L3MBTL1: variants seen among roughly 807,000 people sequenced by gnomAD.
L3MBTL1 encodes lethal(3)malignant brain tumor-like protein 1.
A neutral mutation model predicts 105.3 loss-of-function variants in L3MBTL1; 75 were observed. That is an observed-to-expected ratio of 0.71 (90% CI 0.59 to 0.86). L3MBTL1 has a LOEUF of 0.86. L3MBTL1 is among the 40% of genes least tolerant of loss of function. The pLI, the probability that L3MBTL1 is intolerant of heterozygous loss-of-function variation, is 0.00. For missense variants in L3MBTL1, 1,069 were observed against 1,126.4 expected (o/e 0.95, Z 0.73); for synonymous variants, 452 against 436.2 (o/e 1.04, Z -0.45).
intron 8 of L3MBTL1, 59 bp from the exon 9 acceptor site, chr20:43,529,205 C>T: frequency 7.4e-7 from 1 of 1,347,890 alleles, no homozygotes; most frequent in South Asian, 1.2e-5. Context: ...ACCCCAAGCC[C>T]ACTAGGCAAG....
chr20:43,509,833 G>T (rs2018084155), intron 1 of L3MBTL1, among the ~76,000 whole-genome samples: 1 of 152,134 alleles, frequency 6.6e-6, no homozygotes, highest in Non-Finnish European at 1.5e-5. Flanking sequence ...ACTCTTAACT[G>T]CCAGTGTTTC....
intron 14 of L3MBTL1, 86 bp downstream of exon 14, chr20:43,534,179 T>A (rs2019484315): frequency 1.3e-6 from 2 of 1,515,512 alleles, no homozygotes. Context: ...AGCCTTCCCC[T>A]TTGGGCAGGC....
chr20:43,534,614 C>G lies in L3MBTL1; in HGVS notation c.1711-214C>G, dbSNP rs1330823705. ...GTAAAATGGGCCTAATAATCCTCGT[C>G]CCACCTAAGGATTGCCAGTGGGAGA... On this transcript the variant is annotated intron_variant, in intron 15 of 21. Transcript: ENST00000418998. 5 of 609,066 alleles carry G rather than the reference C, an allele frequency of 8.2e-6. No homozygotes were observed. The African/African-American group carries it at 9.3e-5, about 11-fold the overall frequency. 37.7% of individuals were successfully genotyped at this position (609,066 alleles called of 1,614,324 possible). A position where few individuals can be genotyped will look rare whatever the true frequency, so the allele number is the denominator to read the frequency against.
chr20:43,546,638 C>T (rs1405584801), downstream of L3MBTL1, among the ~76,000 whole-genome samples: 50 of 152,102 alleles, frequency 3.3e-4, no homozygotes, highest in Admixed American at 3.3e-3. Context: ...CCAGCTCAGT[C>T]TCTTGACCCC....
At chr20:43,533,199 G>C in intron 12 of L3MBTL1, 143 bp from the exon 13 acceptor site, 1 of 732,814 alleles carries the variant, frequency 1.4e-6, no homozygotes. Context: ...AATTCATGTT[G>C]CAATTTTCTA....
rs780215452 is a variant in L3MBTL1, at chr20:43,534,943, G to T, written c.1825+1G>T. On this transcript the variant is annotated splice_donor_variant, in intron 16 of 21. Coordinates refer to ENST00000418998, the MANE Select transcript of L3MBTL1 (RefSeq NM_001377303.1). LOFTEE classifies it high-confidence loss of function. Reference sequence around the variant, plus strand: ...GGACATCCCCTGCAGCCTCCTCTCGGTGTGTACCCCTAGGGCACTCTGATC... The same window carrying T: ...GGACATCCCCTGCAGCCTCCTCTCGTTGTGTACCCCTAGGGCACTCTGATC... 1.3e-6 allele frequency: 2 copies of T among 1,587,776 alleles called. No individual in the cohort carries two copies. The highest frequency in any genetic ancestry group is 2.2e-5 in the South Asian group (2 of 90,000).
In L3MBTL1 at chr20:43,512,202, C is replaced by T. The variant is rs73618895; in HGVS notation, c.-28-1274C>T. On this transcript the variant is annotated intron_variant, in intron 1 of 21. Transcript: ENST00000418998. The stretch of plus-strand genomic sequence containing the variant: ...GGAAGCAGGGAGATGGGTTAGAAGG[C>T]AATTTCAGAAGTCCAAAGAGAGCTG... Among the ~76,000 whole-genome samples, 1,316 of 152,202 alleles carry T rather than the reference C, an allele frequency of 8.6e-3. 44 individuals carry two copies. The highest frequency in any genetic ancestry group is 0.077 in the East Asian group (398 of 5,192).
chr20:43,540,641 G>A, intron 20 of L3MBTL1, 112 bp from the exon 21 acceptor site: 3 of 1,036,990 alleles, frequency 2.9e-6, no homozygotes, highest in South Asian at 3.0e-5. Flanking sequence ...TTTTAGGCTG[G>A]TGAGAAAAAG....
intron 18 of L3MBTL1, 37 bp from the exon 19 acceptor site, chr20:43,536,371 CT>C (rs1282393551): frequency 6.2e-7 from 1 of 1,613,602 alleles, no homozygotes; most frequent in African/African-American, 1.3e-5. Context: ...GGGCCAGACA[CT>C]GATTCCCTGC....
In L3MBTL1 at chr20:43,516,151, G is replaced by T. The variant is rs1199864168; in HGVS notation, c.836G>T (p.Ser279Ile). 3.1e-6 allele frequency: 5 copies of T among 1,613,982 alleles called. No homozygotes were observed. The highest frequency in any genetic ancestry group is 1.6e-4 in the Middle Eastern group (1 of 6,084). The change falls in exon 7 of 22, where the codon AGT (serine) becomes ATT (isoleucine). Residue 279 changes from serine (S) to isoleucine (I), a missense_variant. By Grantham distance (142) the Ser-to-Ile change is moderately radical (BLOSUM62 -2). Coordinates refer to ENST00000418998, the MANE Select transcript of L3MBTL1 (RefSeq NM_001377303.1). ...EGQPTASTPE[S>I]EEWSSSQPAT... ...CAACCCACTGCTAGCACCCCAGAGA[G>T]TGAGGAGTGGAGCAGCAGCCAGCCT...
Position 43,514,741 on chromosome 20 carries a change from C to A in L3MBTL1, c.467C>A (p.Pro156Gln), listed in dbSNP as rs776423481. ...ACCGAATACGAAGATGGCGGGGCCC[C>A]GGCGGGAGATGGCGAGGCGGGCCCC... is the stretch of plus-strand genomic sequence containing the variant. ...GVTEYEDGGA[P>Q]AGDGEAGPQQ... Residue 156 changes from proline to glutamine, a missense_variant, in exon 4 of 22, where the codon CCG becomes CAG. By Grantham distance (76) the Pro-to-Gln change is moderately conservative. Coordinates refer to ENST00000418998, the MANE Select transcript of L3MBTL1 (RefSeq NM_001377303.1). 6.4e-7 allele frequency: 1 copy of A among 1,568,346 alleles called. No homozygotes were observed. Among genetic ancestry groups the A allele is most frequent in the South Asian group, 1.2e-5 (1 of 85,826 alleles).
At chr20:43,518,486 A>G (rs1477857265) in intron 7 of L3MBTL1, among the ~76,000 whole-genome samples, 2 of 152,102 alleles carry the variant, frequency 1.3e-5, no homozygotes, top group East Asian at 1.9e-4. Context: ...CTCCTTTTCG[A>G]TAACCATATT....
chr20:43,536,081 G>A lies in L3MBTL1; in HGVS notation c.1926-16G>A. 3 of 1,612,406 alleles carry A rather than the reference G, an allele frequency of 1.9e-6. No individual in the cohort carries two copies. Among genetic ancestry groups the A allele is most frequent in the Non-Finnish European group, 2.5e-6 (3 of 1,179,906 alleles). On this transcript the variant is annotated splice_polypyrimidine_tract_variant and intron_variant, in intron 17 of 21. Transcript: ENST00000418998. ...GACCAGTGGATTAAACCCAACTGAAGTCTCTTCTTCCCCAGGAAGTGCCCC... is the reference window on the plus strand; with the variant it reads ...GACCAGTGGATTAAACCCAACTGAAATCTCTTCTTCCCCAGGAAGTGCCCC...
rs755351115 is a variant in L3MBTL1, at chr20:43,529,254, G to A, written c.952-10G>A. 1 of 1,598,734 alleles carries A rather than the reference G, an allele frequency of 6.3e-7. No individual in the cohort carries two copies. The highest frequency in any genetic ancestry group is 1.7e-5 in the Admixed American group (1 of 59,108). ...GGAAGCTGGGTCCTCTCCACTCTGT[G>A]CGTTGACAGTCCCAGGCAGTCACTC... On this transcript the variant is annotated splice_polypyrimidine_tract_variant and intron_variant, in intron 8 of 21. Transcript: ENST00000418998.
intron 20 of L3MBTL1, 119 bp from the exon 21 acceptor site, chr20:43,540,634 T>C: frequency 1.0e-6 from 1 of 988,848 alleles, no homozygotes; most frequent in South Asian, 1.5e-5. Flanking sequence ...AGGATCCTTT[T>C]AGGCTGGTGA....
In L3MBTL1 at chr20:43,541,048, A is replaced by G; in HGVS notation, c.2509A>G (p.Thr837Ala). 2 of 1,614,148 alleles carry G rather than the reference A, an allele frequency of 1.2e-6. No homozygotes were observed. Among genetic ancestry groups the G allele is most frequent in the Non-Finnish European group, 1.7e-6 (2 of 1,180,014 alleles). The part of the protein sequence containing the change: ...HLQEGKGILE[T>A]GVHSLLCSLP... ...TCAGGAAGGAAAAGGCATCCTGGAG[A>G]CAGGAGTCCATTCACTCCTCTGCTC... Residue 837 changes from threonine (T) to alanine (A), a missense_variant, in exon 22 of 22, where the codon ACA becomes GCA. Transcript: ENST00000418998.
Position 43,513,620 on chromosome 20 carries a change from A to T in L3MBTL1, c.117A>T (p.Ala39=). ...CCGGTTCTGGTCCTCACCTGCCCGC[A>T]ACTGCCTTCATCATTCCAGGTGAGT... is the stretch of plus-strand genomic sequence containing the variant. The part of the protein sequence containing the change: ...DSPGSGPHLP[A]TAFIIPASSA... The change falls in exon 2 of 22, where the codon GCA becomes GCT. Residue 39 remains alanine, a synonymous_variant. Coordinates refer to ENST00000418998, the MANE Select transcript of L3MBTL1 (RefSeq NM_001377303.1). 1 of 1,550,572 alleles carries T rather than the reference A, an allele frequency of 6.4e-7. No individual in the cohort carries two copies. The highest frequency in any genetic ancestry group is 1.2e-5 in the South Asian group (1 of 84,058).
intron 9 of L3MBTL1, 23 bp from the exon 10 acceptor site, chr20:43,530,261 C>A: frequency 6.2e-7 from 1 of 1,613,188 alleles, no homozygotes; most frequent in Non-Finnish European, 8.5e-7. Context: ...CATTGGAGTT[C>A]CTGATTCCCC....
At chr20:43,514,894 A>C in intron 4 of L3MBTL1, 115 bp from the exon 5 acceptor site, 9 of 1,462,094 alleles carry the variant, frequency 6.2e-6, no homozygotes, top group Non-Finnish European at 8.3e-6. Flanking sequence ...AGGCTGGAGG[A>C]GGCCATCCGA....
Sources: gnomAD v4.1 joint callset for allele counts (sites outside exome capture counted in the v4.1 genomes callset) on GRCh38, gnomAD v4.1.1 for gene constraint, MANE v1.5 for transcripts, NCBI Gene and HGNC (gene_info 2026-07-23, HGNC 2026-07-21) for gene names.